Variants in ANKRD30B observed in about 807,000 individuals in gnomAD.
ANKRD30B encodes the protein ankyrin repeat domain 30B, also known as ankyrin repeat domain-containing protein 30B.
ANKRD30B carries 144 observed loss-of-function variants against 202.2 expected under a neutral mutation model. The ratio of observed to expected loss-of-function variants is 0.71; its 90% CI spans 0.62 to 0.82. The LOEUF is 0.82. ANKRD30B is among the 40% of genes least tolerant of loss of function. The probability of loss-of-function intolerance (pLI) is 0.00; values close to 1 mark genes in which losing one functional copy is unlikely to be tolerated. For synonymous variants in ANKRD30B, 508 were observed against 561.3 expected (o/e 0.91, Z 1.34); for missense variants, 1,487 against 1,669.1 (o/e 0.89, Z 1.90).
intron 12 of ANKRD30B, among the ~76,000 whole-genome samples, chr18:14,784,055 G>T (rs73427593): frequency 0.013 from 1,911 of 152,140 alleles, 44 homozygotes; most frequent in African/African-American, 0.044. Flanking sequence ...TCCATGTTCA[G>T]GTTTGACATT....
intron 30 of ANKRD30B, among the ~76,000 whole-genome samples, chr18:14,817,901 C>A (rs1407123913): frequency 2.6e-5 from 4 of 152,030 alleles, no homozygotes; most frequent in Admixed American, 1.3e-4. Context: ...GCAATATGGT[C>A]ATGTATTTAG....
At chr18:14,928,674 A>G in the ANKRD30B span, among the ~76,000 whole-genome samples, 4 of 152,162 alleles carry the variant, frequency 2.6e-5, no homozygotes, top group Non-Finnish European at 5.9e-5. Flanking sequence ...CAGATGGAAG[A>G]CTGTGAGACT....
intron 30 of ANKRD30B, among the ~76,000 whole-genome samples, chr18:14,821,179 A>G (rs545854173): frequency 9.2e-5 from 14 of 152,164 alleles, no homozygotes; most frequent in African/African-American, 3.1e-4. Context: ...CTCTGATGGT[A>G]GTTTGTATTT....
the ANKRD30B span, among the ~76,000 whole-genome samples, chr18:14,880,941 T>G: frequency 6.6e-6 from 1 of 152,208 alleles, no homozygotes; most frequent in Non-Finnish European, 1.5e-5. Flanking sequence ...ATCTTGTATC[T>G]GGAAACTTTG....
intron 16 of ANKRD30B, among the ~76,000 whole-genome samples, chr18:14,795,237 TCCAGGCTGGAGTG>T (rs1419103620): frequency 2.0e-5 from 3 of 152,222 alleles, no homozygotes; most frequent in African/African-American, 7.2e-5. Context: ...CGCTCTGTCA[TCCAGGCTGGAGTG>T]CAGGGGCATG....
At chr18:14,877,046 C>A in the ANKRD30B span, among the ~76,000 whole-genome samples, 1 of 152,298 alleles carries the variant, frequency 6.6e-6, no homozygotes, top group East Asian at 1.9e-4. Flanking sequence ...GGCTTCTGTC[C>A]CTGGAGGACC....
At chr18:14,832,857 C>G (rs192796032) in intron 34 of ANKRD30B, among the ~76,000 whole-genome samples, 47 of 152,240 alleles carry the variant, frequency 3.1e-4, no homozygotes, top group African/African-American at 1.1e-3. Context: ...GAAGATTACA[C>G]TATATTTTCT....
At chr18:14,778,116 G>A in intron 10 of ANKRD30B, 41 bp downstream of exon 10, 1 of 1,356,740 alleles carries the variant, frequency 7.4e-7, no homozygotes, top group Non-Finnish European at 1.0e-6. Flanking sequence ...TTGACCAAAT[G>A]TTTGTCTAAA....
intron 28 of ANKRD30B, among the ~76,000 whole-genome samples, chr18:14,812,557 C>CA (rs1189997273): frequency 1.4e-5 from 1 of 69,874 alleles, no homozygotes; most frequent in Non-Finnish European, 2.7e-5. Flanking sequence ...AACATATAGA[C>CA]ACCCAAAACA....
At chr18:14,839,971 G>A (rs1188199705) in intron 36 of ANKRD30B, among the ~76,000 whole-genome samples, 1 of 152,148 alleles carries the variant, frequency 6.6e-6, no homozygotes, top group East Asian at 1.9e-4. Flanking sequence ...GTGTAAGGCA[G>A]ATACTTTGAA....
intron 24 of ANKRD30B, chr18:14,808,265 A>T (rs1243932270): frequency 9.8e-6 from 4 of 409,714 alleles, no homozygotes; most frequent in Non-Finnish European, 1.9e-5. Flanking sequence ...GATTAATCTT[A>T]CTGGTATTAG....
the ANKRD30B span, among the ~76,000 whole-genome samples, chr18:14,900,797 C>T: frequency 6.6e-6 from 1 of 152,044 alleles, no homozygotes; most frequent in Non-Finnish European, 1.5e-5. Flanking sequence ...ACTTTTAATC[C>T]CTTTATTCCA....
the ANKRD30B span, among the ~76,000 whole-genome samples, chr18:14,887,015 C>T: frequency 1.4e-4 from 22 of 152,108 alleles, no homozygotes; most frequent in Non-Finnish European, 2.9e-5. Flanking sequence ...TAACTCTCAT[C>T]TATAAATGTA....
the ANKRD30B span, among the ~76,000 whole-genome samples, chr18:14,935,229 G>T: frequency 6.6e-6 from 1 of 152,226 alleles, no homozygotes; most frequent in Non-Finnish European, 1.5e-5. Context: ...AGAGGGGTAT[G>T]TAAGAGCAGC....
chr18:14,920,787 G>T, the ANKRD30B span, among the ~76,000 whole-genome samples: 1 of 152,222 alleles, frequency 6.6e-6, no homozygotes, highest in Non-Finnish European at 1.5e-5. Flanking sequence ...CTTCGTCAGT[G>T]GGGCCTATCT....
intron 24 of ANKRD30B, among the ~76,000 whole-genome samples, chr18:14,806,479 G>C (rs916279946): frequency 6.6e-6 from 1 of 150,678 alleles, no homozygotes; most frequent in African/African-American, 2.5e-5. Context: ...GACCCGTCCT[G>C]ATTTTAAAAT....
At chr18:14,788,232 A>G (rs1290437088) in intron 15 of ANKRD30B, among the ~76,000 whole-genome samples, 1 of 152,158 alleles carries the variant, frequency 6.6e-6, no homozygotes, top group Non-Finnish European at 1.5e-5. Flanking sequence ...GAGGACTACA[A>G]TATAAGTTAG....
At chr18:14,883,365 GTCTGTCTC>G in the ANKRD30B span, among the ~76,000 whole-genome samples, 9,548 of 103,944 alleles carry the variant, frequency 0.092, 398 homozygotes, top group African/African-American at 0.14. Context: ...CTCTCTGTCT[GTCTGTCTC>G]TCTCTCTCTC....
the ANKRD30B span, among the ~76,000 whole-genome samples, chr18:14,867,822 G>A: frequency 0.028 from 4,229 of 152,274 alleles, 74 homozygotes; most frequent in Non-Finnish European, 0.043. Flanking sequence ...GAGAGCCTTC[G>A]CCAAAACTGG....
Sources: allele counts gnomAD v4.1 joint callset (sites outside exome capture counted in the v4.1 genomes callset), GRCh38; gene constraint gnomAD v4.1.1; transcripts MANE v1.5; gene names NCBI Gene and HGNC (gene_info 2026-07-23, HGNC 2026-07-21).